TRPM2: variants seen among roughly 807,000 people sequenced by gnomAD.
The protein encoded by TRPM2 is transient receptor potential cation channel subfamily M member 2, also known as estrogen-responsive element-associated gene 1 protein.
In TRPM2, 161 loss-of-function variants were observed where a neutral mutation model predicts 174.0. That is an observed-to-expected ratio of 0.93 (90% CI 0.81 to 1.05). TRPM2 has a LOEUF of 1.05. Ranked by LOEUF, TRPM2 falls within the 50% of genes least tolerant of loss-of-function variation. The pLI is 0.00. For synonymous variants in TRPM2, 954 were observed against 861.3 expected (o/e 1.11, Z -1.88); for missense variants, 2,057 against 2,038.0 (o/e 1.01, Z -0.18).
rs769544381 is a variant in TRPM2, at chr21:44,417,915, C to T, written c.3147-12C>T. The T allele has an allele frequency of 1.2e-6, 2 of 1,607,078 alleles. No individual in the cohort carries two copies. The highest frequency in any genetic ancestry group is 1.1e-5 in the South Asian group (1 of 90,982). On this transcript the variant is annotated splice_polypyrimidine_tract_variant and intron_variant, in intron 20 of 31. Coordinates refer to ENST00000397928, the MANE Select transcript of TRPM2 (RefSeq NM_003307.4). ...CCCTGACCTCGAGGTGTTGCTTTCT[C>T]CTCCCTGACAGCTACACCTTCCAGC...
In TRPM2 at chr21:44,435,170, C is replaced by T. The variant is rs773861602; in HGVS notation, c.4014C>T (p.Ser1338=). The change falls in exon 28 of 32, where the codon AGC becomes AGT. Residue 1338 remains serine, a synonymous_variant. Transcript: ENST00000397928. ...MGRTGLRGRG[S]LSCFGPNHTL... ...GCACAGGACTGCGTGGGCGCGGGAG[C>T]CTCAGCTGCTTCGGACCCAACCACA... The T allele has an allele frequency of 6.8e-6, 11 of 1,613,352 alleles. No individual in the cohort carries two copies. The highest frequency in any genetic ancestry group is 1.7e-5 in the Admixed American group (1 of 59,984).
chr21:44,372,821 C>A (rs982938665), intron 5 of TRPM2, among the ~76,000 whole-genome samples: 12 of 152,170 alleles, frequency 7.9e-5, no homozygotes, highest in African/African-American at 2.2e-4. Context: ...GTGGCTTGGG[C>A]ACCCCCTACC....
intron 31 of TRPM2, 63 bp downstream of exon 31, chr21:44,440,968 C>T: frequency 1.4e-6 from 2 of 1,442,700 alleles, no homozygotes; most frequent in Non-Finnish European, 1.9e-6. Flanking sequence ...GGCGTGGCCT[C>T]CGGGGAGGGG....
Position 44,441,758 on chromosome 21 carries a change from T to C in TRPM2, c.4453T>C (p.Tyr1485His), listed in dbSNP as rs1428021654. The change falls in exon 32 of 32, where the codon TAT becomes CAT. Residue 1485 changes from tyrosine to histidine, a missense_variant. Transcript: ENST00000397928. ...WQVVDRRIPL[Y>H]ANHKTLLQKA... ...GGTGGTGGACAGGCGCATCCCACTCTATGCGAACCACAAGACCCTCCTCCA... is the reference window on the plus strand; with the variant it reads ...GGTGGTGGACAGGCGCATCCCACTCCATGCGAACCACAAGACCCTCCTCCA... The C allele has an allele frequency of 1.2e-5, 19 of 1,612,096 alleles. No homozygotes were observed. The highest frequency in any genetic ancestry group is 1.5e-5 in the Non-Finnish European group (18 of 1,179,210).
At chr21:44,352,661 TG>T (rs1490586807), upstream of TRPM2, among the ~76,000 whole-genome samples, 1 of 152,194 alleles carries the variant, frequency 6.6e-6, no homozygotes, top group Non-Finnish European at 1.5e-5. Flanking sequence ...ACACTGTGGG[TG>T]TCAGGGACTC....
rs570122576 is a variant in TRPM2 at position 44,397,673 on chromosome 21, G to A, written c.1933-74G>A. The A allele has an allele frequency of 2.6e-4, 384 of 1,468,630 alleles. 5 individuals are homozygous for A. The South Asian group carries it at 4.9e-3, about 19-fold the overall frequency. The allele number at this position is 1,468,630 out of a possible 1,614,324, so 91.0% of individuals were successfully genotyped here. Reference sequence around the variant, plus strand: ...CCCCGGGCCTCGTTTTCATCACCTGGGGCAGTGTGTTGGGTTCCTCAGGCT... The same window carrying A: ...CCCCGGGCCTCGTTTTCATCACCTGAGGCAGTGTGTTGGGTTCCTCAGGCT... On this transcript the variant is annotated intron_variant, in intron 12 of 31. Coordinates refer to ENST00000397928, the MANE Select transcript of TRPM2 (RefSeq NM_003307.4).
At chr21:44,387,998 T>C (rs926167236) in intron 9 of TRPM2, among the ~76,000 whole-genome samples, 1 of 152,206 alleles carries the variant, frequency 6.6e-6, no homozygotes, top group Non-Finnish European at 1.5e-5. Flanking sequence ...TCCTTAAATA[T>C]TTAAAAATAC....
At chr21:44,375,205 C>T (rs1174613280) in intron 5 of TRPM2, among the ~76,000 whole-genome samples, 12 of 152,228 alleles carry the variant, frequency 7.9e-5, no homozygotes, top group Non-Finnish European at 1.3e-4. Flanking sequence ...CCACCGCGCC[C>T]GTCTCCGCAA....
chr21:44,407,987 T>G (rs1403115778), intron 19 of TRPM2, among the ~76,000 whole-genome samples: 1 of 151,710 alleles, frequency 6.6e-6, no homozygotes, highest in East Asian at 1.9e-4. Flanking sequence ...CGAGAGGGAG[T>G]CAGGCCAAAG....
At chr21:44,400,546 C>G (rs749665462) in intron 15 of TRPM2, among the ~76,000 whole-genome samples, 175 bp downstream of exon 15, 1 of 152,210 alleles carries the variant, frequency 6.6e-6, no homozygotes, top group Non-Finnish European at 1.5e-5. Context: ...CAGGGCCCCA[C>G]GTGCTGGAAG....
In TRPM2 at chr21:44,354,514, C is replaced by A; in HGVS notation, c.166-134C>A. 1 of 720,656 alleles carries A rather than the reference C, an allele frequency of 1.4e-6. No homozygotes were observed. Among genetic ancestry groups the A allele is most frequent in the Non-Finnish European group, 2.4e-6 (1 of 414,946 alleles). 44.6% of individuals were successfully genotyped at this position (720,656 alleles called of 1,614,324 possible). On this transcript the variant is annotated intron_variant, in intron 1 of 31. Transcript: ENST00000397928. This position sits in a 1 kb window ranked among gnomAD's most constrained non-coding sequence, Gnocchi z 4.3. ...TTGGCAAGGTGCTTCTAATCTTTGG[C>A]TCAGGGTCGCGCAGGCTTCCTTCCT...
Position 44,427,044 on chromosome 21 carries a change from G to A in TRPM2, c.3907G>A (p.Val1303Met), listed in dbSNP as rs763398781. 5.6e-6 allele frequency: 9 copies of A among 1,607,012 alleles called. No individual in the cohort carries two copies. Among genetic ancestry groups the A allele is most frequent in the South Asian group, 4.5e-5 (4 of 89,690 alleles). ...GCCACTGTCCACGATCCAGTACAAC[G>A]TGGTGGATGGCCTGAGGGACCGCCG... ...LEPLSTIQYN[V>M]VDGLRDRRSF... The change falls in exon 27 of 32, where the codon GTG (valine) becomes ATG (methionine). Residue 1303 changes from valine (V) to methionine (M), a missense_variant. Physicochemically the swap from Val to Met is conservative, Grantham distance 21. Coordinates refer to ENST00000397928, the MANE Select transcript of TRPM2 (RefSeq NM_003307.4).
intron 11 of TRPM2, among the ~76,000 whole-genome samples, chr21:44,393,074 T>C (rs1277323618): frequency 6.6e-6 from 1 of 152,044 alleles, no homozygotes; most frequent in Non-Finnish European, 1.5e-5. Context: ...CCTTATTCAA[T>C]AGGAACCCTG....
At chr21:44,352,634 T>C (rs186630300), upstream of TRPM2, among the ~76,000 whole-genome samples, 503 of 152,282 alleles carry the variant, frequency 3.3e-3, 1 homozygote, top group Non-Finnish European at 6.2e-3. Flanking sequence ...GGGATGACCA[T>C]GGATGACCTC....
In TRPM2 at chr21:44,425,689, G is replaced by A. The variant is rs746211046; in HGVS notation, c.3657G>A (p.Glu1219=). The A allele has an allele frequency of 6.5e-7, 1 of 1,542,262 alleles. No homozygotes were observed. The highest frequency in any genetic ancestry group is 2.4e-5 in the East Asian group (1 of 41,440). The change falls in exon 25 of 32, where the codon GAG becomes GAA. Residue 1219 remains glutamate, a synonymous_variant. Transcript: ENST00000397928. ...VPTLASQKAA[E]EPDAEPGGRK... is the part of the protein sequence containing the mutation. ...CCCCAGCCTCCCAGAAGGCCGCGGA[G>A]GAGCCGGATGCTGAGCCGGGAGGCA...
chr21:44,360,380 T>C (rs1407232433), intron 2 of TRPM2, among the ~76,000 whole-genome samples: 3 of 152,088 alleles, frequency 2.0e-5, no homozygotes, highest in East Asian at 3.9e-4. Context: ...CCCCATGTCG[T>C]CTGCTTGGAG....
Position 44,366,688 on chromosome 21 carries a change from T to G in TRPM2, c.424-66T>G. 6.2e-7 allele frequency: 1 copy of G among 1,608,028 alleles called. No homozygotes were observed. The highest frequency in any genetic ancestry group is 1.3e-5 in the African/African-American group (1 of 74,930). On this transcript the variant is annotated intron_variant, in intron 3 of 31. Transcript: ENST00000397928. The surrounding 1 kb of genome is among the most constrained non-coding windows in gnomAD (Gnocchi z 6.0). ...CGCTGGGGCCTCTCTGCATGGCCTG[T>G]GTGGGTCGGTGCTGTCCCTGACCAC...
intron 4 of TRPM2, among the ~76,000 whole-genome samples, chr21:44,368,554 C>G (rs1204258640): frequency 1.3e-5 from 2 of 152,070 alleles, no homozygotes; most frequent in Non-Finnish European, 2.9e-5. Flanking sequence ...GCCTCAGCCT[C>G]CTGAGTAGCT....
chr21:44,356,067 G>A (rs1319409286), intron 2 of TRPM2, among the ~76,000 whole-genome samples: 5 of 142,928 alleles, frequency 3.5e-5, no homozygotes, highest in African/African-American at 5.1e-5. Context: ...TTTTTGGGCC[G>A]GGCGCGGTGG....
Sources: allele counts gnomAD v4.1 joint callset (sites outside exome capture counted in the v4.1 genomes callset), GRCh38; gene constraint gnomAD v4.1.1; non-coding constraint Gnocchi (gnomAD v3.1); transcripts MANE v1.5; gene names NCBI Gene and HGNC (gene_info 2026-07-23, HGNC 2026-07-21).